The following TERB1 variants were observed in gnomAD, a reference collection of about 807,000 sequenced individuals.
TERB1 encodes the protein telomere repeat binding bouquet formation protein 1.
Under a neutral mutation model 92.3 loss-of-function variants are expected in TERB1, and 63 were observed. The observed-to-expected ratio is 0.68, with a 90% CI of 0.56 to 0.84. TERB1 has a LOEUF of 0.84. TERB1 is among the 40% of genes least tolerant of loss of function. TERB1 has a pLI of 0.00. For missense variants in TERB1, 709 were observed against 843.7 expected, an observed-to-expected ratio of 0.84 and a Z score of 1.98; for synonymous variants, 252 against 283.9, an observed-to-expected ratio of 0.89 and a Z score of 1.13.
chr16:66,793,378 G>A (rs1472184303), intron 3 of TERB1, among the ~76,000 whole-genome samples: 5 of 150,936 alleles, frequency 3.3e-5, no homozygotes, highest in African/African-American at 4.9e-5. Flanking sequence ...CGCCATGCCC[G>A]GCTAATTTTC....
intron 3 of TERB1, among the ~76,000 whole-genome samples, chr16:66,795,943 T>A (rs2018923473): frequency 6.6e-6 from 1 of 152,072 alleles, no homozygotes; most frequent in Non-Finnish European, 1.5e-5. Context: ...AGAGACGAGG[T>A]CTCAATGTGT....
intron 16 of TERB1, among the ~76,000 whole-genome samples, chr16:66,764,323 C>T (rs1052896130): frequency 5.9e-5 from 9 of 152,196 alleles, no homozygotes; most frequent in African/African-American, 2.2e-4. Context: ...ATAAGGGAAA[C>T]GTTTAGGATA....
intron 17 of TERB1, 53 bp downstream of exon 17, chr16:66,759,088 T>C (rs374966292): frequency 2.2e-6 from 3 of 1,358,012 alleles, no homozygotes; most frequent in East Asian, 5.0e-5. Context: ...CTTTAGATAA[T>C]AGTTCAGAAG....
chr16:66,784,878 G>A (rs2018700950), intron 9 of TERB1, among the ~76,000 whole-genome samples: 1 of 150,498 alleles, frequency 6.6e-6, no homozygotes, highest in Non-Finnish European at 1.5e-5. Context: ...TAGGATTACA[G>A]GTGCCCGGCT....
intron 16 of TERB1, among the ~76,000 whole-genome samples, chr16:66,760,329 G>C: frequency 7.1e-6 from 1 of 141,366 alleles, no homozygotes; most frequent in Non-Finnish European, 1.5e-5. Flanking sequence ...CATGGTGGCG[G>C]GTGCCTGTAG....
In TERB1 at chr16:66,786,295, A is replaced by G. The variant is rs1471171992; in HGVS notation, c.401-10T>C. 6.5e-7 allele frequency: 1 copy of G among 1,534,304 alleles called. No individual in the cohort carries two copies. Among genetic ancestry groups the G allele is most frequent in the Non-Finnish European group, 8.8e-7 (1 of 1,136,128 alleles). ...AGTGTTTGTCCGGTCCCTTAAAAAA[A>G]TAGCCATATAAAAATATGAGTTTTA... is the stretch of plus-strand genomic sequence containing the variant. On this transcript the variant is annotated splice_polypyrimidine_tract_variant and intron_variant, in intron 6 of 18. Coordinates refer to ENST00000433154, the MANE Select transcript of TERB1 (RefSeq NM_001136505.2).
At chr16:66,767,081 C>A (rs1421820769) in intron 16 of TERB1, among the ~76,000 whole-genome samples, 1 of 151,628 alleles carries the variant, frequency 6.6e-6, no homozygotes, top group Non-Finnish European at 1.5e-5. Context: ...GTAACACCAG[C>A]ACTTTGAGAG....
At chr16:66,777,940 G>A (rs770284085) in intron 10 of TERB1, among the ~76,000 whole-genome samples, 63 of 152,172 alleles carry the variant, frequency 4.1e-4, no homozygotes, top group Non-Finnish European at 8.1e-4. Context: ...AAAAAGTTGT[G>A]AATTCCTGAA....
At chr16:66,755,200 G>A (rs2018117211) in intron 18 of TERB1, 37 bp from the exon 19 acceptor site, 1 of 1,306,006 alleles carries the variant, frequency 7.7e-7, no homozygotes. Flanking sequence ...AGTATTTGCT[G>A]AACAAAGGTC....
intron 3 of TERB1, among the ~76,000 whole-genome samples, chr16:66,794,588 TAAACCAGCAAAC>T (rs1246811878): frequency 6.6e-6 from 1 of 151,860 alleles, no homozygotes; most frequent in African/African-American, 2.4e-5. Flanking sequence ...CTGAATAAAA[TAAACCAGCAAAC>T]ACTGAAGTGA....
chr16:66,772,437 G>A (rs1271364627), intron 13 of TERB1, among the ~76,000 whole-genome samples, 152 bp downstream of exon 13: 3 of 152,152 alleles, frequency 2.0e-5, no homozygotes, highest in Non-Finnish European at 4.4e-5. Context: ...AGCCGAGATC[G>A]TGCCACTGCA....
upstream of TERB1, among the ~76,000 whole-genome samples, chr16:66,801,862 C>G (rs1018420309): frequency 3.3e-5 from 5 of 152,236 alleles, no homozygotes; most frequent in African/African-American, 1.2e-4. Context: ...GGCTATGGGA[C>G]GGTGGCCGCG....
Position 66,782,769 on chromosome 16 carries a change from T to C in TERB1, c.700+3017A>G, listed in dbSNP as rs569966576. On this transcript the variant is annotated intron_variant, in intron 9 of 18. Coordinates refer to ENST00000433154, the MANE Select transcript of TERB1 (RefSeq NM_001136505.2). ...ATCTGCTAGGATTTTGCTTGGGAAT[T>C]CCATGAGTCTAGAGATGAATTTGAA... 7.7e-4 allele frequency among the ~76,000 whole-genome samples: 118 copies of C among 152,286 alleles called. 1 individual carries two copies. The highest frequency in any genetic ancestry group is 2.7e-3 in the African/African-American group (112 of 41,566).
intron 6 of TERB1, among the ~76,000 whole-genome samples, chr16:66,787,299 T>A (rs66919233): frequency 1.7e-4 from 23 of 137,026 alleles, no homozygotes; most frequent in Admixed American, 3.8e-4. Context: ...TTTTTTTTTT[T>A]ATTTCTTTGT....
intron 16 of TERB1, among the ~76,000 whole-genome samples, chr16:66,763,690 G>A (rs999982658): frequency 2.0e-5 from 3 of 151,968 alleles, no homozygotes; most frequent in Non-Finnish European, 2.9e-5. Context: ...GTTTACCCAC[G>A]TAACAAACCT....
intron 18 of TERB1, among the ~76,000 whole-genome samples, chr16:66,757,838 G>A (rs981745702): frequency 2.0e-5 from 3 of 152,036 alleles, no homozygotes; most frequent in African/African-American, 7.2e-5. Context: ...CTGATACATC[G>A]GAAATGGTGA....
At chr16:66,755,699 C>T (rs1322975584) in intron 18 of TERB1, among the ~76,000 whole-genome samples, 3 of 152,020 alleles carry the variant, frequency 2.0e-5, no homozygotes, top group African/African-American at 4.8e-5. Flanking sequence ...TGCTTAAACT[C>T]GGGAGGCAGA....
At chr16:66,799,506 G>T (rs920609192) in intron 2 of TERB1, among the ~76,000 whole-genome samples, 1 of 152,148 alleles carries the variant, frequency 6.6e-6, no homozygotes, top group Non-Finnish European at 1.5e-5. Flanking sequence ...GGGGTTACAG[G>T]TGTGAGCCAC....
chr16:66,769,447 C>A (rs2018406334), intron 14 of TERB1, among the ~76,000 whole-genome samples: 1 of 152,150 alleles, frequency 6.6e-6, no homozygotes, highest in Non-Finnish European at 1.5e-5. Context: ...AAGCTACAAT[C>A]CCAGGTCTAG....
Sources: allele counts gnomAD v4.1 joint callset (sites outside exome capture counted in the v4.1 genomes callset), GRCh38; gene constraint gnomAD v4.1.1; transcripts MANE v1.5; gene names NCBI Gene and HGNC (gene_info 2026-07-23, HGNC 2026-07-21).